Variants in CRYBG2 observed in about 807,000 individuals in gnomAD.
The protein encoded by CRYBG2 is crystallin beta-gamma domain containing 2.
In CRYBG2, 106 loss-of-function variants were observed where a neutral mutation model predicts 153.4. That is an observed-to-expected ratio of 0.69 (90% CI 0.59 to 0.81). The LOEUF is 0.81. Among genes scored for constraint, CRYBG2 ranks in the 30% least tolerant of loss-of-function variants. The pLI is 0.00. For missense variants in CRYBG2, 1,996 were observed against 2,112.0 expected (o/e 0.95, Z 1.08); for synonymous variants, 851 against 877.8 (o/e 0.97, Z 0.54).
chr1:26,333,014 CAAAAAAAAAAAA>C (rs59155910), intron 14 of CRYBG2, among the ~76,000 whole-genome samples: 49 of 71,942 alleles, frequency 6.8e-4, no homozygotes, highest in Admixed American at 1.9e-3. Context: ...CACCAAACCC[CAAAAAAAAAAAA>C]AAAAAAAAAA....
intron 1 of CRYBG2, among the ~76,000 whole-genome samples, chr1:26,352,890 C>T (rs1457611705): frequency 6.6e-6 from 1 of 151,904 alleles, no homozygotes; most frequent in African/African-American, 2.4e-5. Context: ...CTCCCTCTTC[C>T]TTGGCACGGA....
At chr1:26,353,321 G>A (rs1431685397) in intron 1 of CRYBG2, among the ~76,000 whole-genome samples, 2 of 152,120 alleles carry the variant, frequency 1.3e-5, no homozygotes, top group Non-Finnish European at 2.9e-5. Context: ...CCCACCCCAG[G>A]CTCATTTCCT....
chr1:26,351,125 G>A lies in CRYBG2; in HGVS notation c.-56+2911C>T, dbSNP rs572542248. On this transcript the variant is annotated intron_variant, in intron 1 of 19. Transcript: ENST00000308182. ...AGCCCTGGTCATTTTCCCAGGCCAG[G>A]GCTTCCTGAGAGCAGTACACAGCCA... 2.0e-3 allele frequency among the ~76,000 whole-genome samples: 311 copies of A among 152,194 alleles called. 1 individual carries two copies. Among genetic ancestry groups the A allele is most frequent in the Admixed American group, 3.8e-3 (58 of 15,280 alleles).
Position 26,345,887 on chromosome 1 carries a change from C to T in CRYBG2, c.771G>A (p.Thr257=), listed in dbSNP as rs374288229. The T allele has an allele frequency of 5.5e-5, 88 of 1,597,580 alleles. No homozygotes were observed. The highest frequency in any genetic ancestry group is 7.4e-5 in the Non-Finnish European group (87 of 1,179,616). The change falls in exon 2 of 20, where the codon ACG becomes ACA. Residue 257 remains threonine, a synonymous_variant. Transcript: ENST00000308182. ...SPPASHLPRP[T]AGGPRSTGLG... is the part of the protein sequence containing the mutation. Reference sequence around the variant, plus strand: ...GACCTGTGCTCCTTGGCCCGCCAGCCGTGGGCCTGGGCAGGTGACTGGCAG... The same window carrying T: ...GACCTGTGCTCCTTGGCCCGCCAGCTGTGGGCCTGGGCAGGTGACTGGCAG...
At chr1:26,341,120 C>T (rs948075867) in intron 5 of CRYBG2, among the ~76,000 whole-genome samples, 7 of 151,702 alleles carry the variant, frequency 4.6e-5, no homozygotes, top group African/African-American at 1.2e-4. Flanking sequence ...GGGTGGATCA[C>T]GAGGTCAGGA....
rs1356380771 is a variant in CRYBG2 at position 26,322,289 on chromosome 1, G to T, written c.4772C>A (p.Pro1591His). ...APTMSLQVIG[P>H]PSPGSKVVLW... Reference sequence around the variant, plus strand: ...CACCACCTTGGAGCCTGGGCTAGGGGGTCCAATCACCTGTAGGCTCATGGT... The same window carrying T: ...CACCACCTTGGAGCCTGGGCTAGGGTGTCCAATCACCTGTAGGCTCATGGT... Residue 1591 changes from proline (P) to histidine (H), a missense_variant, in exon 19 of 20, where the codon CCC (proline) becomes CAC (histidine). Physicochemically the swap from Pro to His is moderately conservative, Grantham distance 77 (BLOSUM62 -2). Transcript: ENST00000308182. 1.2e-6 allele frequency: 2 copies of T among 1,613,550 alleles called. No individual in the cohort carries two copies. Among genetic ancestry groups the T allele is most frequent in the African/African-American group, 2.7e-5 (2 of 74,932 alleles).
chr1:26,336,068 C>A lies in CRYBG2; in HGVS notation c.4184+27G>T. Reference sequence around the variant, plus strand: ...AGCCCCGCCTCTGCCCCAGCGCCCCCAGCCCTCCGCCCCTCCACGTTCTCA... The same window carrying A: ...AGCCCCGCCTCTGCCCCAGCGCCCCAAGCCCTCCGCCCCTCCACGTTCTCA... On this transcript the variant is annotated intron_variant, in intron 14 of 19. Coordinates refer to ENST00000308182, the MANE Select transcript of CRYBG2 (RefSeq NM_001039775.4). This position sits in a 1 kb window ranked among gnomAD's most constrained non-coding sequence, Gnocchi z 4.9. The A allele has an allele frequency of 7.0e-7, 1 of 1,427,006 alleles. No individual in the cohort carries two copies. Among genetic ancestry groups the A allele is most frequent in the South Asian group, 1.5e-5 (1 of 66,400 alleles). The allele number at this position is 1,427,006 out of a possible 1,614,324, so 88.4% of individuals were successfully genotyped here. A position where few individuals can be genotyped will look rare whatever the true frequency, so the allele number is the denominator to read the frequency against.
chr1:26,333,048 A>AAAAAAAAATT (rs2074016788), intron 14 of CRYBG2, among the ~76,000 whole-genome samples: 2 of 128,352 alleles, frequency 1.6e-5, no homozygotes, highest in Non-Finnish European at 1.7e-5. Flanking sequence ...AAAAAAAAAG[A>AAAAAAAAATT]TTTCTAACAG....
rs752677528 is a variant in CRYBG2, at chr1:26,331,620, T to C, written c.4185-2A>G. Reference sequence around the variant, plus strand: ...TTCGTCTCATCAAACAGGATCCAGCTAGGGAAGGGGAAGAAATGGAGGGTA... The same window carrying C: ...TTCGTCTCATCAAACAGGATCCAGCCAGGGAAGGGGAAGAAATGGAGGGTA... On this transcript the variant is annotated splice_acceptor_variant, in intron 14 of 19. Coordinates refer to ENST00000308182, the MANE Select transcript of CRYBG2 (RefSeq NM_001039775.4). LOFTEE classifies it high-confidence loss of function. 3.7e-6 allele frequency: 6 copies of C among 1,613,552 alleles called. No homozygotes were observed. The highest frequency in any genetic ancestry group is 5.1e-6 in the Non-Finnish European group (6 of 1,179,950).
chr1:26,321,944 G>C lies in CRYBG2; in HGVS notation c.*24C>G, dbSNP rs779223933. On this transcript the variant is annotated 3_prime_UTR_variant, in exon 20 of 20. Coordinates refer to ENST00000308182, the MANE Select transcript of CRYBG2 (RefSeq NM_001039775.4). Reference sequence around the variant, plus strand: ...CATTCATCCCAGCAAAAGCCTCCAGGGCTGGAGGGTGAGGGGAAAAGTTTC... The same window carrying C: ...CATTCATCCCAGCAAAAGCCTCCAGCGCTGGAGGGTGAGGGGAAAAGTTTC... 1 of 1,524,008 alleles carries C rather than the reference G, an allele frequency of 6.6e-7. No individual in the cohort carries two copies. The highest frequency in any genetic ancestry group is 8.9e-7 in the Non-Finnish European group (1 of 1,127,378). 94.4% of individuals were successfully genotyped at this position (1,524,008 alleles called of 1,614,324 possible). A position where few individuals can be genotyped will look rare whatever the true frequency, so the allele number is the denominator to read the frequency against.
chr1:26,333,295 G>T (rs536203056), intron 14 of CRYBG2, among the ~76,000 whole-genome samples: 1 of 152,118 alleles, frequency 6.6e-6, no homozygotes, highest in Non-Finnish European at 1.5e-5. Context: ...GCCGGGTGCC[G>T]TGGCTCACGC....
chr1:26,321,965 G>C lies in CRYBG2; in HGVS notation c.*3C>G, dbSNP rs762768229. 1.3e-5 allele frequency: 20 copies of C among 1,564,002 alleles called. No individual in the cohort carries two copies. Among genetic ancestry groups the C allele is most frequent in the Admixed American group, 1.9e-5 (1 of 53,186 alleles). On this transcript the variant is annotated 3_prime_UTR_variant, in exon 20 of 20. Coordinates refer to ENST00000308182, the MANE Select transcript of CRYBG2 (RefSeq NM_001039775.4). ...CCAGGGCTGGAGGGTGAGGGGAAAAGTTTCAAAGCACGTGGATAGTCCAGA... is the reference window on the plus strand; with the variant it reads ...CCAGGGCTGGAGGGTGAGGGGAAAACTTTCAAAGCACGTGGATAGTCCAGA...
At chr1:26,332,327 A>G (rs1022075604) in intron 14 of CRYBG2, among the ~76,000 whole-genome samples, 3 of 151,570 alleles carry the variant, frequency 2.0e-5, no homozygotes, top group Non-Finnish European at 4.4e-5. Context: ...AAAAAAAAGA[A>G]AGAAAAAGTG....
At chr1:26,337,119 G>A (rs2074070300) in intron 10 of CRYBG2, 134 bp downstream of exon 10, 2 of 1,548,224 alleles carry the variant, frequency 1.3e-6, no homozygotes, top group African/African-American at 2.7e-5. Flanking sequence ...AGCAGGGGAA[G>A]AGAGGCTAGA....
At chr1:26,337,749 A>G (rs2074080109) in intron 8 of CRYBG2, 75 bp from the exon 9 acceptor site, 2 of 1,563,734 alleles carry the variant, frequency 1.3e-6, no homozygotes. Context: ...TCTGCCCAGC[A>G]TCAGGCCAAT....
chr1:26,341,765 C>G (rs1444910761), intron 5 of CRYBG2, among the ~76,000 whole-genome samples: 1 of 152,172 alleles, frequency 6.6e-6, no homozygotes, highest in Non-Finnish European at 1.5e-5. Context: ...GGATTATAAG[C>G]GTGAGCCACT....
chr1:26,332,846 T>A (rs762501066), intron 14 of CRYBG2, among the ~76,000 whole-genome samples: 34 of 151,620 alleles, frequency 2.2e-4, no homozygotes, highest in Admixed American at 4.0e-4. Context: ...GTGTTTTTTT[T>A]ATTATATTAA....
chr1:26,338,732 T>G (rs992989346), intron 6 of CRYBG2, among the ~76,000 whole-genome samples: 1 of 152,164 alleles, frequency 6.6e-6, no homozygotes, highest in Non-Finnish European at 1.5e-5. Flanking sequence ...AGTTCCCTGT[T>G]AGCCTCACAA....
chr1:26,343,885 G>T lies in CRYBG2; in HGVS notation c.2773C>A (p.Pro925Thr). Residue 925 changes from proline (P) to threonine (T), a missense_variant, in exon 2 of 20, where the codon CCG becomes ACG. Coordinates refer to ENST00000308182, the MANE Select transcript of CRYBG2 (RefSeq NM_001039775.4). This position sits in a 1 kb window ranked among gnomAD's most constrained non-coding sequence, Gnocchi z 4.1. ...PTAKEASTPE[P>T]LGTKLSALLP... ...AGAGCAGATAGTTTTGTGCCCAGCGGTTCCGGGGTGGAGGCCTCCTTGGCG... is the reference window on the plus strand; with the variant it reads ...AGAGCAGATAGTTTTGTGCCCAGCGTTTCCGGGGTGGAGGCCTCCTTGGCG... 6.6e-7 allele frequency: 1 copy of T among 1,522,736 alleles called. No homozygotes were observed. The highest frequency in any genetic ancestry group is 8.8e-7 in the Non-Finnish European group (1 of 1,132,598). 94.3% of individuals were successfully genotyped at this position (1,522,736 alleles called of 1,614,324 possible). A position where few individuals can be genotyped will look rare whatever the true frequency, so the allele number is the denominator to read the frequency against.
Sources: allele counts gnomAD v4.1 joint callset (sites outside exome capture counted in the v4.1 genomes callset), GRCh38; gene constraint gnomAD v4.1.1; non-coding constraint Gnocchi (gnomAD v3.1); transcripts MANE v1.5; gene names NCBI Gene and HGNC (gene_info 2026-07-23, HGNC 2026-07-21).